DNAH5: variants seen among roughly 807,000 people sequenced by gnomAD.
The protein encoded by DNAH5 is axonemal beta dynein heavy chain 5.
Under a neutral mutation model 518.2 loss-of-function variants are expected in DNAH5, and 372 were observed. The ratio of observed to expected loss-of-function variants is 0.72; its 90% CI spans 0.66 to 0.78. DNAH5 has a LOEUF of 0.78. DNAH5 is among the 30% of genes least tolerant of loss of function. The pLI is 0.00. For synonymous variants in DNAH5, 2,039 were observed against 2,025.9 expected (o/e 1.01, Z -0.17); for missense variants, 5,523 against 5,687.0 (o/e 0.97, Z 0.93).
chr5:14,004,222 G>A (rs1305775368), intron 1 of DNAH5, among the ~76,000 whole-genome samples: 1 of 152,178 alleles, frequency 6.6e-6, no homozygotes, highest in Non-Finnish European at 1.5e-5. Flanking sequence ...TGGCCCAGCT[G>A]TTCCTTATCT....
intron 73 of DNAH5, 24 bp from the exon 74 acceptor site, chr5:13,716,714 A>G: frequency 6.6e-7 from 1 of 1,514,418 alleles, no homozygotes; most frequent in Non-Finnish European, 9.2e-7. Context: ...TAGAATAATT[A>G]TGTAGAACTG....
chr5:13,758,559 G>T (rs1409758639), intron 61 of DNAH5, among the ~76,000 whole-genome samples: 1 of 152,104 alleles, frequency 6.6e-6, no homozygotes, highest in Non-Finnish European at 1.5e-5. Context: ...GATTAAATGA[G>T]ATAAAAATGG....
In DNAH5 at chr5:13,793,707, G is replaced by A. The variant is rs988596344; in HGVS notation, c.8032C>T (p.Gln2678Ter). Reference protein sequence around the residue: ...GDQVTNEIVRQLMEQNGFYNL... With the variant: ...GDQVTNEIVR ...TAGAATCCATTTTGTTCCATCAGCTGTCGCACTATCTCATTCGTAACCTAC... is the reference window on the plus strand; with the variant it reads ...TAGAATCCATTTTGTTCCATCAGCTATCGCACTATCTCATTCGTAACCTAC... Residue 2678 changes from glutamine to a stop codon, truncating the protein, a stop_gained, in exon 49 of 79, where the codon CAG becomes TAG. Coordinates refer to ENST00000265104, the MANE Select transcript of DNAH5 (RefSeq NM_001369.3). LOFTEE classifies it high-confidence loss of function. 2.5e-6 allele frequency: 4 copies of A among 1,614,052 alleles called. No individual in the cohort carries two copies. The highest frequency in any genetic ancestry group is 2.5e-6 in the Non-Finnish European group (3 of 1,180,008).
intron 17 of DNAH5, among the ~76,000 whole-genome samples, chr5:13,887,785 A>G (rs1772640293): frequency 6.6e-6 from 1 of 152,066 alleles, no homozygotes; most frequent in Admixed American, 6.5e-5. Flanking sequence ...TGCCCCACCC[A>G]GGAGACGCCC....
chr5:13,823,879 T>C (rs1018850402), intron 39 of DNAH5, among the ~76,000 whole-genome samples: 5 of 152,242 alleles, frequency 3.3e-5, no homozygotes, highest in Non-Finnish European at 7.3e-5. Context: ...CATTATTTCC[T>C]ACCAGGCTCT....
At chr5:13,737,640 A>G (rs1747722143) in intron 65 of DNAH5, 145 bp from the exon 66 acceptor site, 1 of 921,322 alleles carries the variant, frequency 1.1e-6, no homozygotes, top group Admixed American at 2.4e-5. Context: ...ATCAAAAAAG[A>G]AGGGCCGGGC....
intron 66 of DNAH5, 72 bp from the exon 67 acceptor site, chr5:13,736,004 C>G: frequency 8.1e-7 from 1 of 1,234,096 alleles, no homozygotes. Flanking sequence ...AGAGATCAGC[C>G]TAAACTCTAA....
intron 1 of DNAH5, among the ~76,000 whole-genome samples, chr5:13,979,142 T>C (rs930399321): frequency 6.6e-6 from 1 of 152,100 alleles, no homozygotes; most frequent in African/African-American, 2.4e-5. Flanking sequence ...AACCTAGGGC[T>C]TTCCGGCTCA....
chr5:13,885,657 A>G (rs1438706586), intron 18 of DNAH5, among the ~76,000 whole-genome samples: 3 of 152,204 alleles, frequency 2.0e-5, no homozygotes, highest in African/African-American at 4.8e-5. Flanking sequence ...GGGGAATTCC[A>G]GTCAATAATC....
rs1300434566 is a variant in DNAH5 at position 13,900,392 on chromosome 5, A to G, written c.2073T>C (p.Gly691=). ...WLRQIEEIHV[G]LEASLLVKAP... ...CCTTCACCAATAATGAAGCCTCAAG[A>G]CCTACATGAATTTCTTCAATCTGTG... The change falls in exon 15 of 79, where the codon GGT becomes GGC. Residue 691 remains glycine, a synonymous_variant. Transcript: ENST00000265104. The G allele has an allele frequency of 1.2e-6, 2 of 1,614,128 alleles. No homozygotes were observed. The highest frequency in any genetic ancestry group is 1.1e-5 in the South Asian group (1 of 91,076).
chr5:13,809,267 T>TA, intron 45 of DNAH5, 81 bp from the exon 46 acceptor site: 1 of 1,526,420 alleles, frequency 6.6e-7, no homozygotes, highest in Non-Finnish European at 9.1e-7. Context: ...CTTGAAATCT[T>TA]ATGAGGTCAC....
chr5:13,750,963 A>G, intron 65 of DNAH5, 115 bp downstream of exon 65: 2 of 1,177,968 alleles, frequency 1.7e-6, no homozygotes, highest in Non-Finnish European at 2.5e-6. Context: ...GGAAAAAAAC[A>G]CAGGGAATAA....
intron 55 of DNAH5, among the ~76,000 whole-genome samples, chr5:13,775,306 A>C (rs1378553118): frequency 6.6e-6 from 1 of 151,936 alleles, no homozygotes; most frequent in Non-Finnish European, 1.5e-5. Context: ...AGATTGGAAA[A>C]CCACTACTGT....
intron 29 of DNAH5, 66 bp from the exon 30 acceptor site, chr5:13,859,671 G>T (rs1768113003): frequency 1.3e-6 from 2 of 1,523,164 alleles, no homozygotes; most frequent in Non-Finnish European, 1.8e-6. Flanking sequence ...AAATTAAAAA[G>T]GTTTTTAAAA....
At chr5:13,737,873 C>T (rs1408972651) in intron 65 of DNAH5, among the ~76,000 whole-genome samples, 5 of 151,910 alleles carry the variant, frequency 3.3e-5, no homozygotes, top group African/African-American at 9.6e-5. Flanking sequence ...ACCAGCCTGG[C>T]CAACATAGTG....
rs1745925892 is a variant in DNAH5, at chr5:13,727,580, T to C, written c.11960A>G (p.Tyr3987Cys). The C allele has an allele frequency of 6.2e-7, 1 of 1,613,906 alleles. No individual in the cohort carries two copies. The highest frequency in any genetic ancestry group is 8.5e-7 in the Non-Finnish European group (1 of 1,179,828). ...NPEEEPLPNA[Y>C]DKSLDCFRRL... The stretch of plus-strand genomic sequence containing the variant: ...TCTGAAGCAGTCAAGAGATTTATCA[T>C]AGGCATTTGGAAGAGGTTCCTCCTC... The change falls in exon 70 of 79, where the codon TAT (tyrosine) becomes TGT (cysteine). Residue 3987 changes from tyrosine (Y) to cysteine (C), a missense_variant. This residue lies in a region of DNAH5 where 5,121 missense variants were observed against 5,223.3 expected (regional missense o/e 0.98). Transcript: ENST00000265104.
At chr5:13,819,840 G>A (rs1186277439) in intron 41 of DNAH5, among the ~76,000 whole-genome samples, 2 of 152,132 alleles carry the variant, frequency 1.3e-5, no homozygotes, top group Non-Finnish European at 2.9e-5. Context: ...GATTGGGATT[G>A]GGATGACTTC....
At chr5:13,973,626 C>A (rs1325399473) in intron 1 of DNAH5, among the ~76,000 whole-genome samples, 2 of 151,574 alleles carry the variant, frequency 1.3e-5, no homozygotes, top group Non-Finnish European at 2.9e-5. Context: ...TTTTAGAAAA[C>A]CCTTGGCACA....
At chr5:13,968,882 A>G (rs1781702642) in intron 1 of DNAH5, among the ~76,000 whole-genome samples, 2 of 152,176 alleles carry the variant, frequency 1.3e-5, no homozygotes, top group Non-Finnish European at 2.9e-5. Flanking sequence ...TAGTGTCGAT[A>G]GGATTGATAT....
Sources: gnomAD v4.1 joint callset for allele counts (sites outside exome capture counted in the v4.1 genomes callset) on GRCh38, gnomAD v4.1.1 for gene constraint, gnomAD v4.1.1 regional missense constraint, MANE v1.5 for transcripts, NCBI Gene and HGNC (gene_info 2026-07-23, HGNC 2026-07-21) for gene names.